TEX9: variants seen among roughly 807,000 people sequenced by gnomAD.
TEX9 encodes the protein testis expressed 9.
TEX9 carries 74 observed loss-of-function variants against 59.6 expected under a neutral mutation model. That is an observed-to-expected ratio of 1.24 (90% CI 1.03 to 1.51). The LOEUF is 1.51. TEX9 is among the 40% of genes most tolerant of loss of function. The pLI, the probability that TEX9 is intolerant of heterozygous loss-of-function variation, is 0.00. For missense variants in TEX9, 522 were observed against 447.8 expected (o/e 1.17, Z -1.49); for synonymous variants, 186 against 152.2 (o/e 1.22, Z -1.64).
intron 1 of TEX9, among the ~76,000 whole-genome samples, chr15:56,296,214 A>T (rs1233064122): frequency 6.6e-6 from 1 of 152,196 alleles, no homozygotes; most frequent in African/African-American, 2.4e-5. Context: ...CATAAATTAC[A>T]TTCCATATAA....
chr15:56,424,553 CT>C (rs1372318895), intron 10 of TEX9, among the ~76,000 whole-genome samples: 2 of 151,870 alleles, frequency 1.3e-5, no homozygotes, highest in Admixed American at 1.3e-4. Flanking sequence ...GACTTTTACC[CT>C]CTCATTTCCT....
chr15:56,428,868 A>G (rs1381465389), intron 12 of TEX9: 4 of 447,870 alleles, frequency 8.9e-6, no homozygotes, highest in Non-Finnish European at 1.6e-5. Context: ...GGATGCAAAC[A>G]GTGCTCTGTA....
chr15:56,253,762 T>G (rs565015532), intron 1 of TEX9, among the ~76,000 whole-genome samples: 1 of 152,128 alleles, frequency 6.6e-6, no homozygotes, highest in South Asian at 2.1e-4. Context: ...CTGCCCAATG[T>G]ATAAGGTGGA....
chr15:56,452,229 AAC>A, the TEX9 span, among the ~76,000 whole-genome samples: 8 of 152,204 alleles, frequency 5.3e-5, no homozygotes, highest in Non-Finnish European at 1.2e-4. Context: ...AAAGAAACGA[AAC>A]ACAGCAAAAT....
intron 1 of TEX9, among the ~76,000 whole-genome samples, chr15:56,327,293 G>A (rs566573182): frequency 6.6e-6 from 1 of 152,116 alleles, no homozygotes; most frequent in South Asian, 2.1e-4. Context: ...GATTAGTTCC[G>A]GGTTTTTGCT....
At chr15:56,329,506 C>T (rs2141754631) in intron 1 of TEX9, among the ~76,000 whole-genome samples, 1 of 152,134 alleles carries the variant, frequency 6.6e-6, no homozygotes, top group Middle Eastern at 3.4e-3. Context: ...ACAGATAAAT[C>T]AAAATAGCTA....
At chr15:56,250,581 C>T (rs1173952680) in intron 1 of TEX9, among the ~76,000 whole-genome samples, 1 of 152,084 alleles carries the variant, frequency 6.6e-6, no homozygotes, top group Non-Finnish European at 1.5e-5. Context: ...GTGTACAAAG[C>T]GAGGTTCTAC....
At chr15:56,262,360 T>C (rs1184234439) in intron 1 of TEX9, among the ~76,000 whole-genome samples, 1 of 152,228 alleles carries the variant, frequency 6.6e-6, no homozygotes, top group East Asian at 1.9e-4. Context: ...TCTTGAGTAC[T>C]GGTTTATTTA....
intron 10 of TEX9, 103 bp downstream of exon 10, chr15:56,412,539 C>A: frequency 8.1e-7 from 1 of 1,229,946 alleles, no homozygotes; most frequent in Non-Finnish European, 1.1e-6. Context: ...TGATGTCATG[C>A]TGAACATTTC....
intron 1 of TEX9, among the ~76,000 whole-genome samples, chr15:56,284,572 T>C (rs1422461987): frequency 1.3e-5 from 2 of 152,060 alleles, no homozygotes; most frequent in African/African-American, 4.8e-5. Context: ...AGGAAATATA[T>C]AGGAATGAGA....
At chr15:56,265,171 T>G (rs1453944208) in intron 1 of TEX9, among the ~76,000 whole-genome samples, 1 of 151,076 alleles carries the variant, frequency 6.6e-6, no homozygotes, top group African/African-American at 2.4e-5. Flanking sequence ...TTCTTTTTTT[T>G]TTTTTTTTAA....
At chr15:56,324,382 G>A (rs1037863994) in intron 1 of TEX9, among the ~76,000 whole-genome samples, 1 of 152,120 alleles carries the variant, frequency 6.6e-6, no homozygotes, top group Admixed American at 6.6e-5. Flanking sequence ...GGATATATGT[G>A]TATAATTTTA....
chr15:56,376,861 C>G (rs113349226), intron 3 of TEX9, among the ~76,000 whole-genome samples: 5 of 152,066 alleles, frequency 3.3e-5, no homozygotes, highest in African/African-American at 1.2e-4. Flanking sequence ...CCAATGTTTT[C>G]TTATAGTAAT....
intron 12 of TEX9, among the ~76,000 whole-genome samples, chr15:56,439,317 G>T (rs1218147207): frequency 6.6e-6 from 1 of 152,038 alleles, no homozygotes; most frequent in Non-Finnish European, 1.5e-5. Context: ...TTAATATAGT[G>T]AATTTATCAA....
At chr15:56,305,103 A>T (rs1216449967) in intron 1 of TEX9, among the ~76,000 whole-genome samples, 2 of 152,238 alleles carry the variant, frequency 1.3e-5, no homozygotes, top group Non-Finnish European at 2.9e-5. Flanking sequence ...AGTAAAAACT[A>T]TAAAACACTG....
chr15:56,440,968 T>A (rs535679758), intron 12 of TEX9, among the ~76,000 whole-genome samples: 33 of 152,148 alleles, frequency 2.2e-4, no homozygotes, highest in Non-Finnish European at 4.9e-4. Context: ...TGGGTTTGGG[T>A]AGACACAGGC....
intron 9 of TEX9, among the ~76,000 whole-genome samples, chr15:56,400,176 ACTTCT>A (rs1470082156): frequency 4.6e-5 from 7 of 152,160 alleles, no homozygotes; most frequent in African/African-American, 1.2e-4. Flanking sequence ...TCAGTAATAA[ACTTCT>A]CTGAGCTAAA....
chr15:56,387,614 A>G (rs1362463637), intron 4 of TEX9, among the ~76,000 whole-genome samples: 1 of 151,950 alleles, frequency 6.6e-6, no homozygotes, highest in African/African-American at 2.4e-5. Flanking sequence ...CAGGGGATAT[A>G]GTGGAGTTTT....
rs756451453 is a variant in TEX9 at position 56,443,763 on chromosome 15, G to A, written c.*30-1908G>A. 18 of 1,612,620 alleles carry A rather than the reference G, an allele frequency of 1.1e-5. No individual in the cohort carries two copies. The highest frequency in any genetic ancestry group is 1.6e-4 in the Middle Eastern group (1 of 6,080). ...CTGTTTTCTTCTTCCATCTCCTCAC[G>A]TTTCTTTTTTCTCCAGAGAGCCTGC... On this transcript the variant is annotated intron_variant, in intron 12 of 12. Transcript: ENST00000352903.
Sources: gnomAD v4.1 joint callset for allele counts (sites outside exome capture counted in the v4.1 genomes callset) on GRCh38, gnomAD v4.1.1 for gene constraint, MANE v1.5 for transcripts, NCBI Gene and HGNC (gene_info 2026-07-23, HGNC 2026-07-21) for gene names.